Variants in KIAA0825 observed in about 807,000 individuals in gnomAD.
The protein encoded by KIAA0825 is uncharacterized protein KIAA0825.
In KIAA0825, 119 loss-of-function variants were observed where a neutral mutation model predicts 147.6. The ratio of observed to expected loss-of-function variants is 0.81; its 90% CI spans 0.69 to 0.94. The LOEUF is 0.94. Among genes scored for constraint, KIAA0825 ranks in the 40% least tolerant of loss-of-function variants. The pLI is 0.00. For missense variants in KIAA0825, 1,381 were observed against 1,472.7 expected (o/e 0.94, Z 1.02); for synonymous variants, 470 against 518.1 (o/e 0.91, Z 1.26).
intron 2 of KIAA0825, among the ~76,000 whole-genome samples, chr5:94,561,225 G>C (rs146683985): frequency 6.6e-6 from 1 of 152,138 alleles, no homozygotes; most frequent in Non-Finnish European, 1.5e-5. Context: ...TTCCAAATTG[G>C]TGAACACATC....
In KIAA0825 at chr5:94,412,621, G is replaced by A. The variant is rs191464558; in HGVS notation, c.2662+4580C>T. ...TCACCATGTTGGCCAGGATGGTCTCGATCTCCTGACCTGGTGATCCACCCA... is the reference window on the plus strand; with the variant it reads ...TCACCATGTTGGCCAGGATGGTCTCAATCTCCTGACCTGGTGATCCACCCA... On this transcript the variant is annotated intron_variant, in intron 15 of 20. Transcript: ENST00000682413. Among the ~76,000 whole-genome samples, 606 of 152,052 alleles carry A rather than the reference G, an allele frequency of 4.0e-3. 6 individuals are homozygous for A. Among genetic ancestry groups the A allele is most frequent in the Middle Eastern group, 0.02 (6 of 294 alleles).
intron 20 of KIAA0825, among the ~76,000 whole-genome samples, chr5:94,323,761 T>A (rs1424164533): frequency 6.6e-6 from 1 of 151,820 alleles, no homozygotes; most frequent in African/African-American, 2.4e-5. Context: ...GAAAATAAGA[T>A]ATTTTGTTGG....
intron 2 of KIAA0825, among the ~76,000 whole-genome samples, chr5:94,572,534 T>C (rs1233927955): frequency 1.3e-5 from 2 of 152,200 alleles, no homozygotes; most frequent in East Asian, 3.8e-4. Context: ...TTTATTTATA[T>C]ATAACTGTTA....
intron 16 of KIAA0825, among the ~76,000 whole-genome samples, chr5:94,402,009 T>TGTC (rs1269856138): frequency 6.6e-6 from 1 of 152,230 alleles, no homozygotes. Context: ...ATTCGCCTAT[T>TGTC]GTCATATCCT....
intron 1 of KIAA0825, among the ~76,000 whole-genome samples, chr5:94,610,008 T>C (rs1788391320): frequency 6.6e-6 from 1 of 152,200 alleles, no homozygotes; most frequent in Admixed American, 6.5e-5. Flanking sequence ...GAAAGAATTA[T>C]ATATCTGAAA....
At chr5:94,595,545 G>C (rs1175247350) in intron 1 of KIAA0825, among the ~76,000 whole-genome samples, 1 of 152,156 alleles carries the variant, frequency 6.6e-6, no homozygotes. Context: ...CTGCTGTGAA[G>C]ATCTTTGACA....
At chr5:94,574,001 A>C (rs1425556825) in intron 2 of KIAA0825, among the ~76,000 whole-genome samples, 1 of 152,188 alleles carries the variant, frequency 6.6e-6, no homozygotes, top group Non-Finnish European at 1.5e-5. Flanking sequence ...GGCATTAGCT[A>C]ATGGTGTATC....
chr5:94,408,515 T>TTGTGTGTGTG (rs3050853), intron 15 of KIAA0825, among the ~76,000 whole-genome samples: 1 of 147,206 alleles, frequency 6.8e-6, no homozygotes, highest in South Asian at 2.2e-4. Flanking sequence ...CTCAGCTAAT[T>TTGTGTGTGTG]TGTGTGTGTG....
intron 2 of KIAA0825, among the ~76,000 whole-genome samples, chr5:94,557,590 TC>T: frequency 6.6e-6 from 1 of 152,174 alleles, no homozygotes; most frequent in East Asian, 1.9e-4. Context: ...GGCGACCACA[TC>T]CACCTTCAAA....
At chr5:94,292,987 T>G (rs532576568) in intron 20 of KIAA0825, among the ~76,000 whole-genome samples, 1 of 152,288 alleles carries the variant, frequency 6.6e-6, no homozygotes, top group African/African-American at 2.4e-5. Flanking sequence ...TTGTGTCTTT[T>G]TGATTCTTCT....
intron 20 of KIAA0825, among the ~76,000 whole-genome samples, chr5:94,203,882 T>C (rs1375211484): frequency 6.6e-6 from 1 of 152,174 alleles, no homozygotes. Context: ...TGAAATGATA[T>C]CATAACCTTC....
chr5:94,526,793 A>C (rs73145060), intron 3 of KIAA0825, among the ~76,000 whole-genome samples: 1,594 of 152,124 alleles, frequency 0.01, 29 homozygotes, highest in African/African-American at 0.035. Flanking sequence ...TGTGAATAAG[A>C]CGTCATCCTG....
chr5:94,362,646 T>C (rs1745231865), intron 20 of KIAA0825, among the ~76,000 whole-genome samples: 1 of 141,356 alleles, frequency 7.1e-6, no homozygotes, highest in African/African-American at 2.5e-5. Context: ...TGAACCTCTA[T>C]TATAGCTATA....
rs368585663 is a variant in KIAA0825, at chr5:94,458,752, TAAA to T, written c.2246+3632_2246+3634del. On this transcript the variant is annotated intron_variant, in intron 12 of 20. Transcript: ENST00000682413. Reference sequence around the variant, plus strand: ...TGCATTCTGCCAGATACCTTTTTTTTAAAAAAAAAAAATCATTTTAAATGTGTT... The same window carrying T: ...TGCATTCTGCCAGATACCTTTTTTTTAAAAAAAAATCATTTTAAATGTGTT... 1.5e-3 allele frequency among the ~76,000 whole-genome samples: 215 copies of T among 147,856 alleles called. 1 individual carries two copies. Among genetic ancestry groups the T allele is most frequent in the African/African-American group, 4.7e-3 (188 of 40,426 alleles).
intron 2 of KIAA0825, among the ~76,000 whole-genome samples, chr5:94,566,573 T>A (rs911558190): frequency 6.6e-6 from 1 of 152,254 alleles, no homozygotes; most frequent in East Asian, 1.9e-4. Context: ...TTGCATACTT[T>A]AATGAGTTTC....
intron 20 of KIAA0825, among the ~76,000 whole-genome samples, chr5:94,305,371 A>G (rs1292502396): frequency 6.6e-6 from 1 of 151,904 alleles, no homozygotes; most frequent in Non-Finnish European, 1.5e-5. Context: ...TCATATGACT[A>G]TGGTACCATC....
chr5:94,233,188 T>C (rs1264335952), intron 20 of KIAA0825, among the ~76,000 whole-genome samples: 2 of 152,214 alleles, frequency 1.3e-5, no homozygotes, highest in African/African-American at 4.8e-5. Context: ...ATAATTACTC[T>C]CTTGCATAGC....
At chr5:94,511,338 G>A (rs1243344769) in intron 5 of KIAA0825, among the ~76,000 whole-genome samples, 2 of 152,166 alleles carry the variant, frequency 1.3e-5, no homozygotes, top group African/African-American at 4.8e-5. Context: ...AGGTGAAGAT[G>A]GGCCAGGCGT....
chr5:94,603,397 A>T (rs753028282), intron 1 of KIAA0825, among the ~76,000 whole-genome samples: 1 of 152,204 alleles, frequency 6.6e-6, no homozygotes, highest in Non-Finnish European at 1.5e-5. Flanking sequence ...TTACCACCAT[A>T]CCTGCCTTAC....
Sources: gnomAD v4.1 joint callset for allele counts (sites outside exome capture counted in the v4.1 genomes callset) on GRCh38, gnomAD v4.1.1 for gene constraint, MANE v1.5 for transcripts, NCBI Gene and HGNC (gene_info 2026-07-23, HGNC 2026-07-21) for gene names.